SGCD: variants seen among roughly 807,000 people sequenced by gnomAD.
SGCD encodes delta-sarcoglycan.
A neutral mutation model predicts 36.6 loss-of-function variants in SGCD; 18 were observed. That is an observed-to-expected ratio of 0.49 (90% CI 0.34 to 0.73). The LOEUF (loss-of-function observed/expected upper bound fraction) is 0.73. Among genes scored for constraint, SGCD ranks in the 30% least tolerant of loss-of-function variants. SGCD has a pLI of 0.01. For missense variants in SGCD, 387 were observed against 346.7 expected (o/e 1.12, Z -0.92); for synonymous variants, 133 against 130.6 (o/e 1.02, Z -0.12).
upstream of SGCD, among the ~76,000 whole-genome samples, chr5:156,324,684 G>A (rs1767759704): frequency 6.6e-6 from 1 of 151,982 alleles, no homozygotes; most frequent in African/African-American, 2.4e-5. Context: ...GTATCAGCTT[G>A]AGTTTTTTTT....
intron 1 of SGCD, among the ~76,000 whole-genome samples, chr5:155,924,814 G>A (rs1442959189): frequency 6.6e-6 from 1 of 152,098 alleles, no homozygotes; most frequent in African/African-American, 2.4e-5. Context: ...AAAATATTAA[G>A]GAAATGCAAA....
Position 156,374,698 on chromosome 5 carries a change from G to C in SGCD, c.192+30021G>C, listed in dbSNP as rs1472251966. 3.1e-5 allele frequency among the ~76,000 whole-genome samples: 4 copies of C among 127,924 alleles called. No homozygotes were observed. In the South Asian group the frequency reaches 1.0e-3, roughly 32 times the overall value. The allele number at this position is 127,924 out of a possible 152,430, so 83.9% of individuals were successfully genotyped here. On this transcript the variant is annotated intron_variant, in intron 3 of 8. Transcript: ENST00000337851. ...TTTTTTTGAGACGGAGTCTTGCTCT[G>C]TTGCCCAGGCTGGAGTGCAGTGGTG...
At chr5:156,730,944 G>C (rs1217330339) in intron 7 of SGCD, among the ~76,000 whole-genome samples, 1 of 151,934 alleles carries the variant, frequency 6.6e-6, no homozygotes, top group African/African-American at 2.4e-5. Flanking sequence ...TAGCCATTCC[G>C]ACTGGTGTGA....
intron 3 of SGCD, among the ~76,000 whole-genome samples, chr5:156,453,384 G>T (rs1754111806): frequency 6.6e-6 from 1 of 152,130 alleles, no homozygotes; most frequent in South Asian, 2.1e-4. Flanking sequence ...ACCATCACAA[G>T]TATTCAATTA....
the SGCD span, among the ~76,000 whole-genome samples, chr5:155,846,445 A>G: frequency 6.6e-6 from 1 of 152,124 alleles, no homozygotes; most frequent in African/African-American, 2.4e-5. Context: ...GTGTTTGCTG[A>G]TGTGAACAGA....
At chr5:156,418,729 T>A (rs1453546650) in intron 3 of SGCD, among the ~76,000 whole-genome samples, 1 of 152,068 alleles carries the variant, frequency 6.6e-6, no homozygotes, top group Admixed American at 6.5e-5. Context: ...GAAAACAAAA[T>A]AAAGCAAAAC....
intron 3 of SGCD, among the ~76,000 whole-genome samples, chr5:156,149,728 G>A (rs566937710): frequency 3.9e-4 from 59 of 152,280 alleles, no homozygotes; most frequent in East Asian, 3.3e-3. Context: ...GGGGAGGGTC[G>A]TGGGGCATGC....
At chr5:155,887,636 G>C (rs957405904) in intron 1 of SGCD, among the ~76,000 whole-genome samples, 3 of 152,184 alleles carry the variant, frequency 2.0e-5, no homozygotes, top group African/African-American at 7.2e-5. Context: ...TCTCTGAGGA[G>C]TAAAGGACAT....
Position 156,654,933 on chromosome 5 carries a change from G to A in SGCD, c.575+7397G>A, listed in dbSNP as rs371560689. ...TTACATGAGATTTATTTCAAGGAAT[G>A]AAATCACCTGAATAACTTATAGATT... On this transcript the variant is annotated intron_variant, in intron 7 of 8. Transcript: ENST00000337851. Among the ~76,000 whole-genome samples, 5 of 152,108 alleles carry A rather than the reference G, an allele frequency of 3.3e-5. No individual in the cohort carries two copies. The East Asian group carries it at 5.8e-4, about 18-fold the overall frequency.
At chr5:156,186,994 C>A (rs1329216117) in intron 3 of SGCD, among the ~76,000 whole-genome samples, 1 of 151,906 alleles carries the variant, frequency 6.6e-6, no homozygotes, top group Non-Finnish European at 1.5e-5. Context: ...CTCTTTTTTT[C>A]TTTTCATGTT....
chr5:156,587,256 T>C (rs1463222608), intron 4 of SGCD, among the ~76,000 whole-genome samples: 1 of 152,214 alleles, frequency 6.6e-6, no homozygotes, highest in Non-Finnish European at 1.5e-5. Context: ...CCAGCCACGC[T>C]AAGAGTTCAA....
At chr5:156,451,648 C>T (rs1343822669) in intron 3 of SGCD, among the ~76,000 whole-genome samples, 1 of 152,086 alleles carries the variant, frequency 6.6e-6, no homozygotes, top group Non-Finnish European at 1.5e-5. Flanking sequence ...AAAGGTTTTA[C>T]CAAGAAGACA....
chr5:156,100,748 T>C (rs906020602), intron 1 of SGCD, among the ~76,000 whole-genome samples: 2 of 152,216 alleles, frequency 1.3e-5, no homozygotes, highest in African/African-American at 2.4e-5. Flanking sequence ...ATGAACTCTA[T>C]TGATTTGTAA....
At chr5:156,266,234 T>G (rs1431356230) in intron 3 of SGCD, among the ~76,000 whole-genome samples, 3 of 152,258 alleles carry the variant, frequency 2.0e-5, no homozygotes, top group Non-Finnish European at 4.4e-5. Flanking sequence ...ATTGACTGAA[T>G]GTGGCTTACG....
At chr5:155,819,733 C>T in the SGCD span, among the ~76,000 whole-genome samples, 93 of 152,018 alleles carry the variant, frequency 6.1e-4, no homozygotes, top group East Asian at 3.9e-4. Context: ...GAAGGGTCTC[C>T]GGAGAGAAAC....
At chr5:156,409,427 C>T (rs1772619646) in intron 3 of SGCD, among the ~76,000 whole-genome samples, 1 of 152,228 alleles carries the variant, frequency 6.6e-6, no homozygotes, top group African/African-American at 2.4e-5. Flanking sequence ...CTTCAGATCG[C>T]CCACGCATCA....
intron 6 of SGCD, among the ~76,000 whole-genome samples, chr5:156,621,996 C>G (rs1762269620): frequency 6.6e-6 from 1 of 152,132 alleles, no homozygotes; most frequent in Non-Finnish European, 1.5e-5. Flanking sequence ...TGGAAGTAAG[C>G]TCTAAACCCA....
At chr5:156,276,051 C>A (rs1386259409) in intron 3 of SGCD, among the ~76,000 whole-genome samples, 1 of 152,084 alleles carries the variant, frequency 6.6e-6, no homozygotes. Context: ...ACCTCCCCAG[C>A]CAAGGTTCTG....
the SGCD span, among the ~76,000 whole-genome samples, chr5:155,784,979 T>C: frequency 1.3e-5 from 2 of 152,168 alleles, no homozygotes; most frequent in African/African-American, 4.8e-5. Flanking sequence ...CAATTTATTA[T>C]GAATTTGTAG....
Sources: allele counts gnomAD v4.1 joint callset (sites outside exome capture counted in the v4.1 genomes callset), GRCh38; gene constraint gnomAD v4.1.1; transcripts MANE v1.5; gene names NCBI Gene and HGNC (gene_info 2026-07-23, HGNC 2026-07-21).